Variants in CPLX2 observed in about 807,000 individuals in gnomAD.
CPLX2 encodes complexin 2.
A neutral mutation model predicts 16.3 loss-of-function variants in CPLX2; 5 were observed. The ratio of observed to expected loss-of-function variants is 0.31; its 90% confidence interval spans 0.16 to 0.64. The LOEUF is 0.64. CPLX2 is among the 30% of genes least tolerant of loss of function. CPLX2 has a pLI of 0.79. For synonymous variants in CPLX2, 89 were observed against 73.2 expected, an observed-to-expected ratio of 1.22 and a Z score of -1.10; for missense variants, 144 against 181.4, an observed-to-expected ratio of 0.79 and a Z score of 1.18.
At chr5:175,859,557 C>A (rs1759323795) in intron 2 of CPLX2, among the ~76,000 whole-genome samples, 1 of 152,202 alleles carries the variant, frequency 6.6e-6, no homozygotes, top group Admixed American at 6.5e-5. Context: ...TAGATGCAGA[C>A]AAATTGCCAG....
At chr5:175,863,018 C>T (rs915532976) in intron 2 of CPLX2, among the ~76,000 whole-genome samples, 6 of 152,176 alleles carry the variant, frequency 3.9e-5, no homozygotes, top group African/African-American at 1.4e-4. Flanking sequence ...GTCTGGAAGC[C>T]AGTTAGAAAG....
chr5:175,878,107 G>A (rs144535226), intron 1 of CPLX2: 3 of 152,514 alleles, frequency 2.0e-5, no homozygotes, highest in African/African-American at 7.2e-5. Flanking sequence ...TATCCAAGCT[G>A]GCTGTTCTCA....
chr5:175,803,806 G>A (rs971106001), intron 1 of CPLX2, among the ~76,000 whole-genome samples: 2 of 152,244 alleles, frequency 1.3e-5, no homozygotes, highest in African/African-American at 4.8e-5. Context: ...TCAGGCCACA[G>A]TCCCTGCTGC....
chr5:175,831,612 C>A (rs1313880716), intron 2 of CPLX2, among the ~76,000 whole-genome samples: 6 of 152,308 alleles, frequency 3.9e-5, no homozygotes, highest in African/African-American at 1.2e-4. Context: ...GCTATTGGGG[C>A]AGAGCATGTA....
chr5:175,823,013 G>A lies in CPLX2; in HGVS notation c.-89+13945G>A, dbSNP rs79852357. Among the ~76,000 whole-genome samples, 20 of 152,344 alleles carry A rather than the reference G, an allele frequency of 1.3e-4. No homozygotes were observed. In the East Asian group the frequency reaches 3.1e-3, roughly 23 times the overall value. ...AACACAGGGAAAGGAACAGGCTCAC[G>A]CCTTCTTAGCCCTCAGGTGTCATCT... On this transcript the variant is annotated intron_variant, in intron 2 of 4. Coordinates refer to the CPLX2 transcript ENST00000359546.
chr5:175,835,701 GTTTT>G, intron 2 of CPLX2, among the ~76,000 whole-genome samples: 1 of 117,302 alleles, frequency 8.5e-6, no homozygotes, highest in South Asian at 2.8e-4. Flanking sequence ...GTTGTAAGTG[GTTTT>G]TATTTATTTA....
chr5:175,797,251 G>A (rs1198859596), intron 1 of CPLX2, among the ~76,000 whole-genome samples: 1 of 152,186 alleles, frequency 6.6e-6, no homozygotes, highest in African/African-American at 2.4e-5. Flanking sequence ...AGGCCGCATC[G>A]ATCGGGGGAT....
Position 175,880,127 on chromosome 5 carries a change from A to T in CPLX2, c.*82A>T. 6.8e-7 allele frequency: 1 copy of T among 1,472,816 alleles called. No homozygotes were observed. The highest frequency in any genetic ancestry group is 1.4e-5 in the African/African-American group (1 of 71,554). 91.2% of individuals were successfully genotyped at this position (1,472,816 alleles called of 1,614,324 possible). A position where few individuals can be genotyped will look rare whatever the true frequency, so the allele number is the denominator to read the frequency against. On this transcript the variant is annotated 3_prime_UTR_variant, in exon 4 of 4. Transcript: ENST00000393745. Reference sequence around the variant, plus strand: ...TTTCTTTTTATTAGGTTAAGTCTCAATTCTGAAGGGGAAAACCTCAGTTGG... The same window carrying T: ...TTTCTTTTTATTAGGTTAAGTCTCATTTCTGAAGGGGAAAACCTCAGTTGG...
intron 2 of CPLX2, among the ~76,000 whole-genome samples, chr5:175,826,550 A>G (rs951749227): frequency 3.9e-5 from 6 of 152,118 alleles, no homozygotes; most frequent in Non-Finnish European, 8.8e-5. Context: ...AATCAGACGG[A>G]CCCTCAACTG....
At chr5:175,841,667 G>C (rs76776090) in intron 2 of CPLX2, among the ~76,000 whole-genome samples, 1,915 of 152,286 alleles carry the variant, frequency 0.013, 15 homozygotes, top group Non-Finnish European at 0.022. Flanking sequence ...TCACACAGAG[G>C]CATCCTCTCA....
At chr5:175,842,228 C>T (rs753726304) in intron 2 of CPLX2, among the ~76,000 whole-genome samples, 27 of 152,314 alleles carry the variant, frequency 1.8e-4, no homozygotes, top group East Asian at 5.8e-4. Context: ...ACATTTCAAC[C>T]GAAAACAGCA....
At chr5:175,873,137 G>A (rs1759674638) in intron 1 of CPLX2, 1 of 107,122 alleles carries the variant, frequency 9.3e-6, no homozygotes, top group African/African-American at 3.5e-5. Flanking sequence ...CCCCCTTCCC[G>A]CGCAGGGATA....
chr5:175,878,559 T>A, intron 1 of CPLX2, 93 bp from the exon 2 acceptor site: 1 of 656,224 alleles, frequency 1.5e-6, no homozygotes. Context: ...GGGTGCCTGG[T>A]GTCTGAACCA....
intron 2 of CPLX2, among the ~76,000 whole-genome samples, chr5:175,814,255 C>T (rs901788366): frequency 6.6e-6 from 1 of 152,210 alleles, no homozygotes; most frequent in Non-Finnish European, 1.5e-5. Context: ...GCAAAGGAGG[C>T]CCCATCCTAA....
intron 3 of CPLX2, 184 bp from the exon 4 acceptor site, chr5:175,879,664 C>T (rs1215559466): frequency 2.8e-6 from 2 of 708,822 alleles, no homozygotes; most frequent in Non-Finnish European, 5.2e-6. Flanking sequence ...CACGTATGGT[C>T]TCTCCCACTG....
intron 2 of CPLX2, among the ~76,000 whole-genome samples, chr5:175,858,325 C>T (rs924967690): frequency 2.6e-5 from 4 of 152,230 alleles, no homozygotes; most frequent in East Asian, 1.9e-4. Context: ...TGAGCACAAG[C>T]GACACCACCC....
intron 2 of CPLX2, among the ~76,000 whole-genome samples, chr5:175,825,490 C>A (rs1409983036): frequency 6.6e-6 from 1 of 152,108 alleles, no homozygotes; most frequent in Admixed American, 6.5e-5. Flanking sequence ...TGAAAAACTT[C>A]CAAGCTGGCA....
chr5:175,847,927 A>G (rs1442143295), intron 2 of CPLX2, among the ~76,000 whole-genome samples: 2 of 152,210 alleles, frequency 1.3e-5, no homozygotes, highest in African/African-American at 2.4e-5. Flanking sequence ...TGATGCTGAC[A>G]GTGCTGTTCC....
At chr5:175,805,369 G>A (rs1373489683) in intron 1 of CPLX2, 2 of 152,130 alleles carry the variant, frequency 1.3e-5, no homozygotes, top group Non-Finnish European at 2.9e-5. Flanking sequence ...CAGAGAATCC[G>A]AGCAATAAGC....
Sources: gnomAD v4.1 joint callset for allele counts (sites outside exome capture counted in the v4.1 genomes callset) on GRCh38, gnomAD v4.1.1 for gene constraint, MANE v1.5 for transcripts, NCBI Gene and HGNC (gene_info 2026-07-23, HGNC 2026-07-21) for gene names.